C8orf34: variants seen among roughly 807,000 people sequenced by gnomAD.
C8orf34 encodes the protein uncharacterized protein C8orf34.
In C8orf34, 65 loss-of-function variants were observed where a neutral mutation model predicts 68.3. The observed-to-expected ratio is 0.95, with a 90% CI of 0.78 to 1.17. The LOEUF (loss-of-function observed/expected upper bound fraction) is 1.17, where lower values mean the gene tolerates loss of function less well. Ranked by LOEUF, C8orf34 falls within the 50% of genes most tolerant of loss-of-function variation. The pLI, the probability that C8orf34 is intolerant of heterozygous loss-of-function variation, is 0.00. For synonymous variants in C8orf34, 244 were observed against 241.2 expected (o/e 1.01, Z -0.11); for missense variants, 664 against 655.4 (o/e 1.01, Z -0.14).
intron 1 of C8orf34, among the ~76,000 whole-genome samples, chr8:68,393,994 A>G (rs1438592187): frequency 2.6e-5 from 4 of 152,162 alleles, no homozygotes; most frequent in Non-Finnish European, 5.9e-5. Flanking sequence ...TGTTACCAGT[A>G]AGACTTAGCA....
intron 3 of C8orf34, among the ~76,000 whole-genome samples, chr8:68,466,711 C>T (rs1245438179): frequency 7.4e-6 from 1 of 135,548 alleles, no homozygotes; most frequent in Non-Finnish European, 1.6e-5. Flanking sequence ...AAGTCTTACA[C>T]TTTCTGTGAA....
At chr8:68,426,606 C>T (rs1375605325) in intron 1 of C8orf34, among the ~76,000 whole-genome samples, 1 of 149,194 alleles carries the variant, frequency 6.7e-6, no homozygotes, top group African/African-American at 2.5e-5. Context: ...AATTACATAT[C>T]CAACAAAGCA....
intron 5 of C8orf34, among the ~76,000 whole-genome samples, chr8:68,500,480 G>T (rs940283371): frequency 1.3e-5 from 2 of 152,136 alleles, no homozygotes; most frequent in African/African-American, 2.4e-5. Context: ...AACAAGGTTG[G>T]TGCATTAGTA....
intron 1 of C8orf34, among the ~76,000 whole-genome samples, chr8:68,391,163 C>T (rs1375344965): frequency 1.3e-5 from 2 of 152,024 alleles, no homozygotes; most frequent in African/African-American, 4.8e-5. Context: ...TTTACTTACT[C>T]CATGAGTAGT....
At chr8:68,683,468 CAGA>C (rs1820426673) in intron 8 of C8orf34, among the ~76,000 whole-genome samples, 1 of 151,834 alleles carries the variant, frequency 6.6e-6, no homozygotes, top group African/African-American at 2.4e-5. Context: ...CAAGTGCTTG[CAGA>C]AGAACTAACA....
intron 3 of C8orf34, among the ~76,000 whole-genome samples, chr8:68,455,005 C>T (rs1227996313): frequency 6.6e-6 from 1 of 152,066 alleles, no homozygotes; most frequent in Non-Finnish European, 1.5e-5. Flanking sequence ...TTCTTTGTCT[C>T]ATTCATTATA....
intron 8 of C8orf34, among the ~76,000 whole-genome samples, chr8:68,687,140 C>A (rs1203817364): frequency 1.3e-5 from 2 of 152,068 alleles, no homozygotes; most frequent in Non-Finnish European, 2.9e-5. Flanking sequence ...GGAAACACAT[C>A]CCATGCTAAT....
Position 68,435,042 on chromosome 8 carries a change from T to C in C8orf34, c.328-4457T>C, listed in dbSNP as rs1052851217. ...TCCAGCCTGGGTGACAGAGCGAGAC[T>C]CCATCTCAAAAAAAAAAAAAAGAGA... On this transcript the variant is annotated intron_variant, in intron 1 of 13. Coordinates refer to ENST00000518698, the MANE Select transcript of C8orf34 (RefSeq NM_052958.4). 4.9e-5 allele frequency among the ~76,000 whole-genome samples: 7 copies of C among 143,398 alleles called. No homozygotes were observed. The East Asian group carries it at 1.4e-3, about 29-fold the overall frequency. The allele number at this position is 143,398 out of a possible 152,430, so 94.1% of individuals were successfully genotyped here.
intron 1 of C8orf34, among the ~76,000 whole-genome samples, chr8:68,371,496 A>G (rs1057353001): frequency 4.6e-5 from 7 of 152,200 alleles, no homozygotes; most frequent in Non-Finnish European, 1.0e-4. Context: ...CAACTATAAG[A>G]AACAAAAGAT....
At chr8:68,720,285 C>T (rs1049014131) in intron 9 of C8orf34, among the ~76,000 whole-genome samples, 3 of 151,904 alleles carry the variant, frequency 2.0e-5, no homozygotes, top group Non-Finnish European at 4.4e-5. Flanking sequence ...AGAAACTTGT[C>T]TTCTTGAATG....
chr8:68,569,744 G>A (rs1586388370), intron 7 of C8orf34, among the ~76,000 whole-genome samples: 1 of 152,174 alleles, frequency 6.6e-6, no homozygotes, highest in Non-Finnish European at 1.5e-5. Context: ...CATCTGTCAA[G>A]GAATTCACAG....
intron 1 of C8orf34, among the ~76,000 whole-genome samples, chr8:68,338,091 T>G (rs1310599596): frequency 6.6e-6 from 1 of 152,180 alleles, no homozygotes; most frequent in Admixed American, 6.5e-5. Context: ...CTCACAGATC[T>G]GGAGGCTGGG....
chr8:68,435,266 G>A (rs1810615928), intron 1 of C8orf34, among the ~76,000 whole-genome samples: 1 of 151,532 alleles, frequency 6.6e-6, no homozygotes, highest in East Asian at 1.9e-4. Flanking sequence ...AAGACTTTTT[G>A]GGAGTATATC....
chr8:68,331,417 C>T (rs1585924375), intron 1 of C8orf34, 78 bp downstream of exon 1: 2 of 1,414,314 alleles, frequency 1.4e-6, no homozygotes, highest in Non-Finnish European at 9.6e-7. Context: ...CACTCCCAAT[C>T]CCACCCCTCC....
intron 1 of C8orf34, among the ~76,000 whole-genome samples, chr8:68,379,524 G>A (rs1807943823): frequency 6.6e-6 from 1 of 152,192 alleles, no homozygotes; most frequent in Non-Finnish European, 1.5e-5. Context: ...TTTATTTATT[G>A]TTGCTACTCT....
At chr8:68,747,451 G>T (rs938863888) in intron 10 of C8orf34, among the ~76,000 whole-genome samples, 1 of 145,764 alleles carries the variant, frequency 6.9e-6, no homozygotes, top group Non-Finnish European at 1.5e-5. Context: ...AATTGTCCCT[G>T]TTTGTAGACG....
intron 5 of C8orf34, among the ~76,000 whole-genome samples, chr8:68,508,916 C>A (rs1166801198): frequency 6.6e-6 from 1 of 152,066 alleles, no homozygotes; most frequent in Non-Finnish European, 1.5e-5. Flanking sequence ...AGAGTCCCTG[C>A]TAGAGTGCTT....
At chr8:68,456,136 G>A (rs1811541291) in intron 3 of C8orf34, among the ~76,000 whole-genome samples, 1 of 150,790 alleles carries the variant, frequency 6.6e-6, no homozygotes, top group Middle Eastern at 3.4e-3. Context: ...GGTGCCTGTA[G>A]TCCCACCTAC....
At chr8:68,782,761 GA>G (rs903047145) in intron 11 of C8orf34, among the ~76,000 whole-genome samples, 2 of 152,072 alleles carry the variant, frequency 1.3e-5, no homozygotes, top group African/African-American at 4.8e-5. Context: ...TTTTTAAAAT[GA>G]AAATCACTTT....
Sources: allele counts gnomAD v4.1 joint callset (sites outside exome capture counted in the v4.1 genomes callset), GRCh38; gene constraint gnomAD v4.1.1; transcripts MANE v1.5; gene names NCBI Gene and HGNC (gene_info 2026-07-23, HGNC 2026-07-21).